The following AACS variants were observed in gnomAD, a reference collection of about 807,000 sequenced individuals.
AACS encodes acetoacetyl-CoA synthetase.
AACS carries 69 observed loss-of-function variants against 83.1 expected under a neutral mutation model. The ratio of observed to expected loss-of-function variants is 0.83; its 90% CI spans 0.68 to 1.01. The LOEUF (loss-of-function observed/expected upper bound fraction) is 1.01. AACS is among the 50% of genes least tolerant of loss of function. AACS has a pLI of 0.00. For synonymous variants in AACS, 333 were observed against 343.4 expected, an observed-to-expected ratio of 0.97 and a Z score of 0.33; for missense variants, 866 against 882.2, an observed-to-expected ratio of 0.98 and a Z score of 0.23.
intron 4 of AACS, among the ~76,000 whole-genome samples, chr12:125,089,608 T>C (rs1488122866): frequency 6.6e-6 from 1 of 152,122 alleles, no homozygotes; most frequent in Non-Finnish European, 1.5e-5. Flanking sequence ...ATATGGCTCT[T>C]GACAGTACTG....
chr12:125,086,427 A>C lies in AACS; in HGVS notation c.456A>C (p.Lys152Asn), dbSNP rs142268293. ...AAAMRKMGVK[K>N]GDRVVGYLPN... ...CAATGAGGAAAATGGGTGTGAAGAAAGGAGATCGGGTTGTTGGTAAGTATT... is the reference window on the plus strand; with the variant it reads ...CAATGAGGAAAATGGGTGTGAAGAACGGAGATCGGGTTGTTGGTAAGTATT... Residue 152 changes from lysine (K) to asparagine (N), a missense_variant, in exon 4 of 18, where the codon AAA becomes AAC. Coordinates refer to ENST00000316519, the MANE Select transcript of AACS (RefSeq NM_023928.5). The C allele has an allele frequency of 1.9e-5, 31 of 1,614,200 alleles. No individual in the cohort carries two copies. In the African/African-American group the frequency reaches 3.5e-4, roughly 18 times the overall value.
chr12:125,130,185 G>A lies in AACS; in HGVS notation c.1549+725G>A, dbSNP rs939328842. ...GGTAATCTGGTTTAGCACAGACCAC[G>A]TATGGAGAATCAGAAAGCGGTAAGT... On this transcript the variant is annotated intron_variant, in intron 14 of 17. Coordinates refer to ENST00000316519, the MANE Select transcript of AACS (RefSeq NM_023928.5). This position sits in a 1 kb window ranked among gnomAD's most constrained non-coding sequence, Gnocchi z 4.9. Among the ~76,000 whole-genome samples the A allele has an allele frequency of 1.3e-5, 2 of 152,260 alleles. No homozygotes were observed. Among genetic ancestry groups the A allele is most frequent in the African/African-American group, 4.8e-5 (2 of 41,468 alleles).
intron 1 of AACS, among the ~76,000 whole-genome samples, chr12:125,068,397 C>T (rs1336109297): frequency 2.0e-5 from 3 of 152,172 alleles, no homozygotes; most frequent in Non-Finnish European, 4.4e-5. Context: ...AGGTGGAGGT[C>T]GCAGTGAGCC....
chr12:125,098,885 C>A (rs1956666439), intron 5 of AACS, among the ~76,000 whole-genome samples: 2 of 152,232 alleles, frequency 1.3e-5, no homozygotes, highest in Admixed American at 1.3e-4. Context: ...ATTTTGTGTG[C>A]AGCTGTTCCC....
In AACS at chr12:125,065,609, C is replaced by A; in HGVS notation, c.25C>A (p.Arg9=). The change falls in exon 1 of 18, where the codon CGG becomes AGG. Residue 9 remains arginine, a synonymous_variant. Coordinates refer to ENST00000316519, the MANE Select transcript of AACS (RefSeq NM_023928.5). ...CATGTCCAAGGAGGAGCGCCCCGGT[C>A]GGGAGGAGATCCTGGAGTGCCAGGT... MSKEERPG[R]EEILECQVMW... The A allele has an allele frequency of 5.2e-6, 8 of 1,534,368 alleles. No homozygotes were observed. Among genetic ancestry groups the A allele is most frequent in the Non-Finnish European group, 7.0e-6 (8 of 1,139,682 alleles).
chr12:125,136,718 A>G lies in AACS; in HGVS notation c.1735A>G (p.Arg579Gly). The G allele has an allele frequency of 1.2e-6, 2 of 1,614,114 alleles. No homozygotes were observed. The highest frequency in any genetic ancestry group is 1.7e-6 in the Non-Finnish European group (2 of 1,180,018). Residue 579 changes from arginine to glycine, a missense_variant, in exon 17 of 18, where the codon AGG (arginine) becomes GGG (glycine). Physicochemically the swap from Arg to Gly is moderately radical, Grantham distance 125. Coordinates refer to ENST00000316519, the MANE Select transcript of AACS (RefSeq NM_023928.5). ...GTGTGTCCCCCAGTATAACAAGTAC[A>G]GGGAGGAGAGGGTGATCCTCTTCCT... ...SLCVPQYNKY[R>G]EERVILFLKM...
chr12:125,124,999 C>T lies in AACS; in HGVS notation c.1284C>T (p.Ser428=), dbSNP rs144360606. 4.3e-6 allele frequency: 7 copies of T among 1,614,084 alleles called. No homozygotes were observed. Among genetic ancestry groups the T allele is most frequent in the African/African-American group, 1.3e-5 (1 of 74,928 alleles). ...AGTATGTCTACAGGTGCATCAAGAG[C>T]AGCATCCTCCTGGGCTCCATCTCAG... ...SYEYVYRCIK[S]SILLGSISGG... Residue 428 remains serine, a synonymous_variant, in exon 12 of 18, where the codon AGC becomes AGT. Coordinates refer to ENST00000316519, the MANE Select transcript of AACS (RefSeq NM_023928.5).
chr12:125,115,952 C>T (rs1179335378), intron 9 of AACS, among the ~76,000 whole-genome samples: 4 of 152,184 alleles, frequency 2.6e-5, no homozygotes, highest in African/African-American at 2.4e-5. Flanking sequence ...GAGTGGTGAC[C>T]TTGGGTGTGT....
In AACS at chr12:125,083,488, G is replaced by T. The variant is rs1427360897; in HGVS notation, c.359-2842G>T. On this transcript the variant is annotated intron_variant, in intron 3 of 17. Coordinates refer to ENST00000316519, the MANE Select transcript of AACS (RefSeq NM_023928.5). Reference sequence around the variant, plus strand: ...TTCCCATTTGTACAGTCTGTTAGGCGAAAATTGGTATCTTCCTGTTTTAAC... The same window carrying T: ...TTCCCATTTGTACAGTCTGTTAGGCTAAAATTGGTATCTTCCTGTTTTAAC... Among the ~76,000 whole-genome samples the T allele has an allele frequency of 2.0e-5, 3 of 152,102 alleles. No homozygotes were observed. In the East Asian group the frequency reaches 5.8e-4, roughly 29 times the overall value.
chr12:125,133,950 CTGTCATGGCCCCTTCTCCTCGGGA>C, intron 14 of AACS, 29 bp from the exon 15 acceptor site: 1 of 1,596,668 alleles, frequency 6.3e-7, no homozygotes, highest in African/African-American at 1.3e-5. Flanking sequence ...TCCAGGCAGC[CTGTCATGGCCCCTTCTCCTCGGGA>C]TGACCGGGCA....
Position 125,102,813 on chromosome 12 carries a change from CCCAG to C in AACS, c.685+23_685+26del, listed in dbSNP as rs1956743319. 6.2e-7 allele frequency: 1 copy of C among 1,607,364 alleles called. No homozygotes were observed. Among genetic ancestry groups the C allele is most frequent in the African/African-American group, 1.3e-5 (1 of 74,752 alleles). On this transcript the variant is annotated intron_variant, in intron 6 of 17. Transcript: ENST00000316519. ...TTAAAGGTGTGTGGCCCTTCCGGCT[CCCAG>C]CCGGCATGGCTGGGTGTGTGTGTGG... is the stretch of plus-strand genomic sequence containing the variant.
chr12:125,070,428 G>A (rs764541377), intron 1 of AACS, among the ~76,000 whole-genome samples: 1 of 152,202 alleles, frequency 6.6e-6, no homozygotes, highest in Non-Finnish European at 1.5e-5. Flanking sequence ...GAGTCCAGGA[G>A]TTAGAGGCTG....
chr12:125,078,395 T>C, intron 3 of AACS: 1 of 451,202 alleles, frequency 2.2e-6, no homozygotes, highest in Non-Finnish European at 4.5e-6. Context: ...GCTGTTTTCC[T>C]TGGTTCTCAG....
chr12:125,138,185 A>C (rs1176054037), intron 17 of AACS: 1 of 150,246 alleles, frequency 6.7e-6, no homozygotes, highest in Non-Finnish European at 1.5e-5. Flanking sequence ...GCTGACTCCC[A>C]CTCGGGACCC....
chr12:125,072,504 A>G (rs971916965), intron 1 of AACS, among the ~76,000 whole-genome samples: 1 of 152,244 alleles, frequency 6.6e-6, no homozygotes, highest in East Asian at 1.9e-4. Flanking sequence ...CTGATACCCC[A>G]TTGGCCATCT....
chr12:125,139,238 T>G (rs956209563), intron 17 of AACS: 5 of 152,212 alleles, frequency 3.3e-5, no homozygotes, highest in African/African-American at 1.2e-4. Context: ...CTCTGATCTG[T>G]GACACGAGGA....
chr12:125,077,717 A>AT (rs375700962), intron 3 of AACS, among the ~76,000 whole-genome samples: 4,814 of 145,472 alleles, frequency 0.033, 99 homozygotes, highest in Middle Eastern at 0.082. Flanking sequence ...CAAGTTGGCA[A>AT]TTTTTTTTTT....
In AACS at chr12:125,136,858, C is replaced by T; in HGVS notation, c.1875C>T (p.Gly625=). 6.2e-7 allele frequency: 1 copy of T among 1,613,174 alleles called. No individual in the cohort carries two copies. Among genetic ancestry groups the T allele is most frequent in the Non-Finnish European group, 8.5e-7 (1 of 1,179,986 alleles). Residue 625 remains glycine (G), a synonymous_variant, in exon 17 of 18, where the codon GGC becomes GGT. Coordinates refer to ENST00000316519, the MANE Select transcript of AACS (RefSeq NM_023928.5). The part of the protein sequence containing the change: ...HVPSLILETK[G]IPYTLNGKKV... ...CCAGCCTCATCCTGGAAACCAAGGGCATCCCGGTATGGCCATCTCCCGCCA... is the reference window on the plus strand; with the variant it reads ...CCAGCCTCATCCTGGAAACCAAGGGTATCCCGGTATGGCCATCTCCCGCCA...
At chr12:125,118,904 C>T in intron 10 of AACS, 139 bp downstream of exon 10, 1 of 1,292,130 alleles carries the variant, frequency 7.7e-7, no homozygotes, top group Non-Finnish European at 1.0e-6. Flanking sequence ...GACGCCCCCT[C>T]TCCAAGAGGA....
Sources: allele counts gnomAD v4.1 joint callset (sites outside exome capture counted in the v4.1 genomes callset), GRCh38; gene constraint gnomAD v4.1.1; non-coding constraint Gnocchi (gnomAD v3.1); transcripts MANE v1.5; gene names NCBI Gene and HGNC (gene_info 2026-07-23, HGNC 2026-07-21).